ANXA4: variants seen among roughly 807,000 people sequenced by gnomAD.
ANXA4 encodes the protein annexin A4, also known as 35-beta calcimedin.
Under a neutral mutation model 49.8 loss-of-function variants are expected in ANXA4, and 39 were observed. That is an observed-to-expected ratio of 0.78 (90% CI 0.61 to 1.02). The LOEUF is 1.02. ANXA4 is among the 50% of genes least tolerant of loss of function. The pLI is 0.00. For missense variants in ANXA4, 360 were observed against 410.1 expected, an observed-to-expected ratio of 0.88 and a Z score of 1.05; for synonymous variants, 134 against 152.5, an observed-to-expected ratio of 0.88 and a Z score of 0.89.
intron 2 of ANXA4, among the ~76,000 whole-genome samples, chr2:69,657,915 A>G (rs1676565237): frequency 6.6e-6 from 1 of 152,220 alleles, no homozygotes. Flanking sequence ...TTTTATAGAT[A>G]TAAGCATTGG....
chr2:69,652,430 ATCTTTT>A (rs1158848123), intron 1 of ANXA4, among the ~76,000 whole-genome samples: 1 of 152,194 alleles, frequency 6.6e-6, no homozygotes, highest in Admixed American at 6.5e-5. Context: ...CTATGAGTCA[ATCTTTT>A]TCTTTTAAAG....
At chr2:69,697,691 G>A (rs1354466264) in intron 2 of ANXA4, among the ~76,000 whole-genome samples, 7 of 152,134 alleles carry the variant, frequency 4.6e-5, no homozygotes, top group Non-Finnish European at 7.4e-5. Flanking sequence ...AGAGGCCATC[G>A]TAGGGTTGTT....
At chr2:69,670,438 C>CAAAA (rs748196181) in intron 2 of ANXA4, among the ~76,000 whole-genome samples, 1 of 44,792 alleles carries the variant, frequency 2.2e-5, no homozygotes, top group Non-Finnish European at 4.6e-5. Flanking sequence ...GACTCAATCT[C>CAAAA]AAAAAAAAAA....
chr2:69,752,974 C>A lies in ANXA4; in HGVS notation c.-47+10799C>A, dbSNP rs555973017. ...TACTGTTTACTCTGCTTGGAAAATTCTTTCCCTATTGAAATCCCATTATTA... is the reference window on the plus strand; with the variant it reads ...TACTGTTTACTCTGCTTGGAAAATTATTTCCCTATTGAAATCCCATTATTA... On this transcript the variant is annotated intron_variant, in intron 1 of 12. Coordinates refer to ENST00000394295, the MANE Select transcript of ANXA4 (RefSeq NM_001153.5). Among the ~76,000 whole-genome samples, 207 of 152,326 alleles carry A rather than the reference C, an allele frequency of 1.4e-3. 2 individuals carry two copies. In the South Asian group the frequency reaches 0.02, roughly 15 times the overall value.
chr2:69,758,415 G>A (rs1671146208), intron 1 of ANXA4, among the ~76,000 whole-genome samples: 1 of 152,090 alleles, frequency 6.6e-6, no homozygotes, highest in African/African-American at 2.4e-5. Context: ...CCAGAAGCTT[G>A]AGACCAGCCT....
chr2:69,743,502 G>A (rs1573179371), intron 1 of ANXA4, among the ~76,000 whole-genome samples: 1 of 152,172 alleles, frequency 6.6e-6, no homozygotes, highest in East Asian at 1.9e-4. Flanking sequence ...ACAGGCATGA[G>A]CCACCGTGCC....
intron 2 of ANXA4, among the ~76,000 whole-genome samples, chr2:69,687,002 G>C (rs949186010): frequency 1.3e-5 from 2 of 152,372 alleles, no homozygotes; most frequent in Non-Finnish European, 2.9e-5. Context: ...GAGGATGGCA[G>C]AGAACCAAAG....
At chr2:69,659,633 C>A (rs1249536844) in intron 2 of ANXA4, among the ~76,000 whole-genome samples, 1 of 152,080 alleles carries the variant, frequency 6.6e-6, no homozygotes, top group African/African-American at 2.4e-5. Flanking sequence ...TAAAAATCAG[C>A]AATAGAGCAG....
chr2:69,661,843 A>G (rs1318347401), intron 2 of ANXA4, among the ~76,000 whole-genome samples: 1 of 152,226 alleles, frequency 6.6e-6, no homozygotes, highest in Non-Finnish European at 1.5e-5. Flanking sequence ...AGAAGCAGTC[A>G]GCATCCCCAA....
chr2:69,737,168 CA>C (rs1320683896), upstream of ANXA4, among the ~76,000 whole-genome samples: 2 of 152,190 alleles, frequency 1.3e-5, no homozygotes, highest in Admixed American at 6.5e-5. Context: ...ACTGAGAAAT[CA>C]GATGCCATTC....
chr2:69,803,863 C>T (rs779005465), intron 3 of ANXA4, among the ~76,000 whole-genome samples: 5 of 152,012 alleles, frequency 3.3e-5, no homozygotes, highest in Non-Finnish European at 7.4e-5. Flanking sequence ...GATGGCTGGG[C>T]GTGGTGTCTC....
intron 3 of ANXA4, among the ~76,000 whole-genome samples, chr2:69,722,637 T>C (rs890637633): frequency 6.6e-6 from 1 of 152,044 alleles, no homozygotes; most frequent in African/African-American, 2.4e-5. Flanking sequence ...GGGGATTTAC[T>C]GCTTAATGGA....
chr2:69,708,598 G>A (rs541640131), intron 2 of ANXA4, among the ~76,000 whole-genome samples: 2 of 152,290 alleles, frequency 1.3e-5, no homozygotes, highest in African/African-American at 4.8e-5. Flanking sequence ...CGGGGAGACA[G>A]ATGCATTTAG....
intron 3 of ANXA4, among the ~76,000 whole-genome samples, chr2:69,790,907 G>C (rs183017585): frequency 2.3e-3 from 355 of 152,268 alleles, no homozygotes; most frequent in African/African-American, 8.2e-3. Flanking sequence ...TCTTTCTCTA[G>C]TCCTCATTTT....
rs748153801 is a variant in ANXA4 at position 69,812,725 on chromosome 2, G to T, written c.534+16G>T. 12 of 1,613,478 alleles carry T rather than the reference G, an allele frequency of 7.4e-6. No homozygotes were observed. Among genetic ancestry groups the T allele is most frequent in the African/African-American group, 5.3e-5 (4 of 75,026 alleles). ...GGATGCCCAGGTTGGTAGAACTGCA[G>T]CTTCTTTCTTCCAGCTTTCTTCTCT... On this transcript the variant is annotated intron_variant, in intron 8 of 12. Coordinates refer to ENST00000394295, the MANE Select transcript of ANXA4 (RefSeq NM_001153.5).
At chr2:69,656,484 A>G (rs1573061424) in intron 2 of ANXA4, among the ~76,000 whole-genome samples, 1 of 146,010 alleles carries the variant, frequency 6.8e-6, no homozygotes, top group East Asian at 2.0e-4. Context: ...TACAGTATTG[A>G]CCCCAGTTCA....
intron 2 of ANXA4, among the ~76,000 whole-genome samples, chr2:69,670,425 C>A (rs576268092): frequency 7.9e-6 from 1 of 126,876 alleles, no homozygotes. Context: ...GGCGACAGAG[C>A]GAGACTCAAT....
chr2:69,744,308 AAAAC>A lies in ANXA4; in HGVS notation c.-47+2153_-47+2156del, dbSNP rs565428337. 7.0e-4 allele frequency among the ~76,000 whole-genome samples: 107 copies of A among 152,286 alleles called. 1 individual carries two copies. The South Asian group carries it at 0.011, about 16-fold the overall frequency. On this transcript the variant is annotated intron_variant, in intron 1 of 12. Coordinates refer to ENST00000394295, the MANE Select transcript of ANXA4 (RefSeq NM_001153.5). ...GGTAATAGAGTGAGGCCCTGTCTGA[AAAAC>A]AAACAAACAAACAAACAAAAACAAG... is the stretch of plus-strand genomic sequence containing the variant.
rs547684514 is a variant in ANXA4 at position 69,652,585 on chromosome 2, G to A, written n.482-413G>A. The stretch of plus-strand genomic sequence containing the variant: ...TTAAAGAATTGAACTAAGGCTGGGC[G>A]CGGTGGCTCATACCTGTAATCCCAG... On this transcript the variant is annotated intron_variant and non_coding_transcript_variant, in intron 1 of 3. Transcript: ENST00000418066. Among the ~76,000 whole-genome samples the A allele has an allele frequency of 7.3e-4, 111 of 152,246 alleles. 1 individual carries two copies. Among genetic ancestry groups the A allele is most frequent in the Non-Finnish European group, 1.3e-3 (86 of 68,016 alleles).
Sources: allele counts gnomAD v4.1 joint callset (sites outside exome capture counted in the v4.1 genomes callset), GRCh38; gene constraint gnomAD v4.1.1; transcripts MANE v1.5; gene names NCBI Gene and HGNC (gene_info 2026-07-23, HGNC 2026-07-21).